The following MAPK10 variants were observed in gnomAD, a reference collection of about 807,000 sequenced individuals.
MAPK10 encodes the protein JNK3 alpha protein kinase.
In MAPK10, 25 loss-of-function variants were observed where a neutral mutation model predicts 59.3. That is an observed-to-expected ratio of 0.42 (90% CI 0.31 to 0.59). The LOEUF (loss-of-function observed/expected upper bound fraction) is 0.59. Among genes scored for constraint, MAPK10 ranks in the 20% least tolerant of loss-of-function variants. The pLI is 0.15. For missense variants in MAPK10, 351 were observed against 568.9 expected, an observed-to-expected ratio of 0.62 and a Z score of 3.90; for synonymous variants, 190 against 200.5, an observed-to-expected ratio of 0.95 and a Z score of 0.44.
intron 2 of MAPK10, among the ~76,000 whole-genome samples, chr4:86,325,137 T>C (rs879467593): frequency 6.6e-6 from 1 of 152,130 alleles, no homozygotes; most frequent in Admixed American, 6.5e-5. Flanking sequence ...CTGCAACTTG[T>C]ACTGGAAAAT....
chr4:86,062,185 G>T (rs1228924600), intron 11 of MAPK10, among the ~76,000 whole-genome samples: 1 of 152,022 alleles, frequency 6.6e-6, no homozygotes. Context: ...GTTTACCCTT[G>T]TATAATCAAT....
intron 1 of MAPK10, among the ~76,000 whole-genome samples, chr4:86,533,850 G>A (rs1758026399): frequency 6.6e-6 from 1 of 152,140 alleles, no homozygotes; most frequent in Non-Finnish European, 1.5e-5. Context: ...CATGCCCCAT[G>A]GACTCAACCT....
Position 86,063,793 on chromosome 4 carries a change from C to A in MAPK10, c.1110+473G>T, listed in dbSNP as rs377351321. 4.1e-4 allele frequency among the ~76,000 whole-genome samples: 62 copies of A among 152,150 alleles called. 3 individuals carry two copies. The highest frequency in any genetic ancestry group is 2.0e-3 in the Admixed American group (30 of 15,282). ...CCACTTCTAGTTCATCTAGTTCATGCAAGGTTTCACAAAGCCACCAATCGT... is the reference window on the plus strand; with the variant it reads ...CCACTTCTAGTTCATCTAGTTCATGAAAGGTTTCACAAAGCCACCAATCGT... On this transcript the variant is annotated intron_variant, in intron 11 of 13. Coordinates refer to ENST00000641462, the MANE Select transcript of MAPK10 (RefSeq NM_138982.4).
intron 1 of MAPK10, among the ~76,000 whole-genome samples, chr4:86,536,899 C>A (rs942095519): frequency 2.0e-5 from 3 of 152,092 alleles, no homozygotes; most frequent in Non-Finnish European, 4.4e-5. Flanking sequence ...AGCCTTTCAG[C>A]AGAGACAAGT....
intron 1 of MAPK10, among the ~76,000 whole-genome samples, chr4:86,395,629 G>A (rs1742804601): frequency 1.3e-5 from 2 of 152,126 alleles, no homozygotes; most frequent in South Asian, 2.1e-4. Context: ...GGTCAGCCTG[G>A]GCTGCTATAA....
At chr4:86,248,897 T>C (rs1477925055) in intron 2 of MAPK10, among the ~76,000 whole-genome samples, 1 of 152,212 alleles carries the variant, frequency 6.6e-6, no homozygotes, top group African/African-American at 2.4e-5. Flanking sequence ...AGAATAAAGA[T>C]GTGCTATCAA....
intron 2 of MAPK10, among the ~76,000 whole-genome samples, chr4:86,288,193 C>T (rs2095093181): frequency 6.6e-6 from 1 of 151,362 alleles, no homozygotes; most frequent in Admixed American, 6.6e-5. Context: ...TATTATTATA[C>T]TTTAAGTTTT....
intron 3 of MAPK10, among the ~76,000 whole-genome samples, chr4:86,180,839 G>A (rs1034987321): frequency 1.3e-5 from 2 of 152,096 alleles, no homozygotes; most frequent in Non-Finnish European, 2.9e-5. Context: ...GAGGATACTG[G>A]AGGCTGAGAT....
rs1047695985 is a variant in MAPK10 at position 86,322,460 on chromosome 4, C to A, written c.-7+32070G>T. Among the ~76,000 whole-genome samples, 7 of 152,274 alleles carry A rather than the reference C, an allele frequency of 4.6e-5. No individual in the cohort carries two copies. In the South Asian group the frequency reaches 8.3e-4, roughly 18 times the overall value. On this transcript the variant is annotated intron_variant, in intron 2 of 13. Coordinates refer to ENST00000641462, the MANE Select transcript of MAPK10 (RefSeq NM_138982.4). ...CATAAATTAATTGGTGAGGAGGAAG[C>A]AACCCAACCTGAACGATGCCTATAA...
rs113623859 is a variant in MAPK10 at position 86,114,578 on chromosome 4, G to A, written c.237-7226C>T. Among the ~76,000 whole-genome samples the A allele has an allele frequency of 6.3e-4, 96 of 152,342 alleles. No homozygotes were observed. The Middle Eastern group carries it at 0.024, about 38-fold the overall frequency. On this transcript the variant is annotated intron_variant, in intron 4 of 13. Transcript: ENST00000641462. ...TTCCTCTGGAAGCTCCATACCAGAG[G>A]GGCACTGAGCTGATGCTGGCCAGAA...
At chr4:86,401,313 T>C (rs1290978566) in intron 1 of MAPK10, among the ~76,000 whole-genome samples, 1 of 152,204 alleles carries the variant, frequency 6.6e-6, no homozygotes, top group Non-Finnish European at 1.5e-5. Context: ...TGATGTGGTA[T>C]ACAAGTAGGC....
Position 86,291,987 on chromosome 4 carries a change from C to G in MAPK10, c.-7+62543G>C, listed in dbSNP as rs931015698. On this transcript the variant is annotated intron_variant, in intron 2 of 13. Coordinates refer to ENST00000641462, the MANE Select transcript of MAPK10 (RefSeq NM_138982.4). ...AAAGGACCATTACATTGGACTTTTT[C>G]TCATATCTTTCTGAGCCAGTTTTAT... Among the ~76,000 whole-genome samples the G allele has an allele frequency of 3.3e-5, 5 of 152,234 alleles. No homozygotes were observed. In the East Asian group the frequency reaches 9.7e-4, roughly 29 times the overall value.
intron 1 of MAPK10, among the ~76,000 whole-genome samples, chr4:86,547,231 G>A (rs1285792147): frequency 3.3e-5 from 5 of 152,202 alleles, no homozygotes; most frequent in Admixed American, 6.5e-5. Flanking sequence ...CACCTGAGGA[G>A]CCCTTCAGCC....
chr4:86,309,089 A>G (rs1368418871), intron 2 of MAPK10, among the ~76,000 whole-genome samples: 1 of 152,200 alleles, frequency 6.6e-6, no homozygotes, highest in Admixed American at 6.5e-5. Flanking sequence ...AAAAAAATAA[A>G]TCATTTTAAA....
At chr4:86,479,862 C>T (rs1753444423) in intron 1 of MAPK10, among the ~76,000 whole-genome samples, 1 of 152,070 alleles carries the variant, frequency 6.6e-6, no homozygotes, top group African/African-American at 2.4e-5. Context: ...CTAACAACCC[C>T]ACAATATCCC....
intron 4 of MAPK10, among the ~76,000 whole-genome samples, chr4:86,150,667 C>G (rs1029430158): frequency 3.3e-5 from 5 of 152,106 alleles, no homozygotes; most frequent in Admixed American, 3.3e-4. Flanking sequence ...CGAGACCATC[C>G]TGGCTAACAC....
At chr4:86,151,524 G>C (rs936453947) in intron 4 of MAPK10, among the ~76,000 whole-genome samples, 3 of 152,140 alleles carry the variant, frequency 2.0e-5, no homozygotes, top group African/African-American at 7.2e-5. Flanking sequence ...AGCCACTTGG[G>C]CTGATCCGGA....
At chr4:86,292,572 A>G (rs1037852135) in intron 2 of MAPK10, among the ~76,000 whole-genome samples, 1 of 152,166 alleles carries the variant, frequency 6.6e-6, no homozygotes, top group African/African-American at 2.4e-5. Flanking sequence ...AAAATAAAAA[A>G]TTAACTGGGC....
At chr4:86,219,760 T>C (rs962903519) in intron 2 of MAPK10, 3 of 152,208 alleles carry the variant, frequency 2.0e-5, no homozygotes, top group African/African-American at 7.2e-5. Flanking sequence ...AAGAAAAATA[T>C]TCTATATTTT....
Sources: gnomAD v4.1 joint callset for allele counts (sites outside exome capture counted in the v4.1 genomes callset) on GRCh38, gnomAD v4.1.1 for gene constraint, MANE v1.5 for transcripts, NCBI Gene and HGNC (gene_info 2026-07-23, HGNC 2026-07-21) for gene names.